Variants in PYGB observed in about 807,000 individuals in gnomAD.
PYGB encodes glycogen phosphorylase, brain form.
Under a neutral mutation model 94.3 loss-of-function variants are expected in PYGB, and 82 were observed. That is an observed-to-expected ratio of 0.87 (90% CI 0.73 to 1.04). The LOEUF is 1.04. Ranked by LOEUF, PYGB falls within the 50% of genes least tolerant of loss-of-function variation. The probability of loss-of-function intolerance (pLI) is 0.00; values close to 1 mark genes in which losing one functional copy is unlikely to be tolerated. For missense variants in PYGB, 1,132 were observed against 1,158.2 expected, an observed-to-expected ratio of 0.98 and a Z score of 0.33; for synonymous variants, 488 against 479.1, an observed-to-expected ratio of 1.02 and a Z score of -0.24.
At chr20:25,289,334 A>G (rs1431336554) in intron 15 of PYGB, among the ~76,000 whole-genome samples, 1 of 152,248 alleles carries the variant, frequency 6.6e-6, no homozygotes, top group Admixed American at 6.5e-5. Flanking sequence ...GGAGTTCGAA[A>G]AAGTTTTAAA....
intron 2 of PYGB, among the ~76,000 whole-genome samples, chr20:25,262,974 T>TA (rs2092917037): frequency 6.6e-6 from 1 of 152,150 alleles, no homozygotes; most frequent in South Asian, 2.1e-4. Flanking sequence ...AGCAAGTCCT[T>TA]AGAGACCTAC....
intron 5 of PYGB, among the ~76,000 whole-genome samples, chr20:25,276,225 G>A (rs992466450): frequency 6.6e-6 from 1 of 152,180 alleles, no homozygotes; most frequent in Non-Finnish European, 1.5e-5. Flanking sequence ...GTGATCTGCG[G>A]GGCAAGCATC....
rs145257858 is a variant in PYGB at position 25,291,599 on chromosome 20, G to A, written c.1970-807G>A. On this transcript the variant is annotated intron_variant, in intron 16 of 19. Coordinates refer to ENST00000216962, the MANE Select transcript of PYGB (RefSeq NM_002862.4). ...GGCACTCACGGGCCGGCTTGCCTCC[G>A]GCTTGGCCAGGAACTGTGGCTCGTC... is the stretch of plus-strand genomic sequence containing the variant. 7.4e-3 allele frequency among the ~76,000 whole-genome samples: 1,127 copies of A among 152,254 alleles called. 13 individuals carry two copies. The highest frequency in any genetic ancestry group is 0.044 in the South Asian group (211 of 4,830).
intron 10 of PYGB, 65 bp from the exon 11 acceptor site, chr20:25,280,884 G>C: frequency 6.4e-7 from 1 of 1,559,446 alleles, no homozygotes; most frequent in Non-Finnish European, 8.7e-7. Context: ...CCCTGGTCAT[G>C]GGGAGTGCTG....
chr20:25,283,174 A>G lies in PYGB; in HGVS notation c.1519-2A>G. ...AGTGAGCGGAACCTTTACGTTCTCC[A>G]GAAAATTGGGGAGGAGTTCCTGACT... On this transcript the variant is annotated splice_acceptor_variant, in intron 12 of 19. Transcript: ENST00000216962. LOFTEE classifies it high-confidence loss of function. The G allele has an allele frequency of 6.2e-7, 1 of 1,612,166 alleles. No individual in the cohort carries two copies. The highest frequency in any genetic ancestry group is 8.5e-7 in the Non-Finnish European group (1 of 1,178,412).
chr20:25,293,875 C>T lies in PYGB; in HGVS notation c.2178-283C>T, dbSNP rs546762710. 500 of 461,404 alleles carry T rather than the reference C, an allele frequency of 1.1e-3. 3 individuals are homozygous for T. Among genetic ancestry groups the T allele is most frequent in the South Asian group, 0.01 (479 of 46,514 alleles). 28.6% of individuals were successfully genotyped at this position (461,404 alleles called of 1,614,324 possible). On this transcript the variant is annotated intron_variant, in intron 17 of 19. Transcript: ENST00000216962. ...GCCCTCTCCACTAGGAATGTGGCAT[C>T]AGCCACTATGTCCTAGCAGATCTGC... is the stretch of plus-strand genomic sequence containing the variant.
At chr20:25,271,135 C>T (rs527513403) in intron 3 of PYGB, among the ~76,000 whole-genome samples, 15 of 152,236 alleles carry the variant, frequency 9.9e-5, no homozygotes, top group South Asian at 6.2e-4. Context: ...CCAGGCCTGG[C>T]CGAGTTCTCT....
chr20:25,295,551 G>A, intron 18 of PYGB, 53 bp from the exon 19 acceptor site: 1 of 1,561,506 alleles, frequency 6.4e-7, no homozygotes, highest in Non-Finnish European at 8.8e-7. Flanking sequence ...CCTCGGGACA[G>A]TGTGGGCAGG....
intron 1 of PYGB, among the ~76,000 whole-genome samples, chr20:25,252,127 C>T (rs902328809): frequency 6.6e-6 from 1 of 152,230 alleles, no homozygotes; most frequent in Non-Finnish European, 1.5e-5. Flanking sequence ...GACAGCAGAT[C>T]GCTCAAAGTC....
intron 14 of PYGB, among the ~76,000 whole-genome samples, chr20:25,286,759 C>T (rs577230064): frequency 7.9e-5 from 12 of 152,164 alleles, no homozygotes; most frequent in Non-Finnish European, 1.6e-4. Context: ...CTGCTGTTCC[C>T]CGGGGGCTCC....
intron 1 of PYGB, among the ~76,000 whole-genome samples, 156 bp downstream of exon 1, chr20:25,248,577 A>G (rs558624994): frequency 0.021 from 3,191 of 152,046 alleles, 103 homozygotes; most frequent in African/African-American, 0.072. Flanking sequence ...AGTCGCCTGG[A>G]AGCCGCAGTC....
intron 2 of PYGB, among the ~76,000 whole-genome samples, chr20:25,259,704 C>G (rs1003204275): frequency 6.6e-6 from 1 of 152,172 alleles, no homozygotes; most frequent in African/African-American, 2.4e-5. Flanking sequence ...TGGTTTCCCT[C>G]CCTCCACCCC....
rs1242926085 is a variant in PYGB at position 25,290,360 on chromosome 20, TC to T, written c.1828-118del. On this transcript the variant is annotated intron_variant, in intron 15 of 19. Coordinates refer to ENST00000216962, the MANE Select transcript of PYGB (RefSeq NM_002862.4). The stretch of plus-strand genomic sequence containing the variant: ...GCCTCCCTAGCTCCTCTACTGACCG[TC>T]CCGACGGCAGGTTCCTGTGGCTCTA... 4 of 1,322,650 alleles carry T rather than the reference TC, an allele frequency of 3.0e-6. No individual in the cohort carries two copies. The African/African-American group carries it at 5.8e-5, about 19-fold the overall frequency. 81.9% of individuals were successfully genotyped at this position (1,322,650 alleles called of 1,614,324 possible).
intron 1 of PYGB, among the ~76,000 whole-genome samples, chr20:25,256,629 C>T (rs2092903329): frequency 6.6e-6 from 1 of 152,224 alleles, no homozygotes; most frequent in Non-Finnish European, 1.5e-5. Context: ...GGCAGGGCCT[C>T]CTTAGAGCAG....
rs142521587 is a variant in PYGB, at chr20:25,279,086, C to G, written c.1029C>G (p.Pro343=). The G allele has an allele frequency of 2.5e-6, 4 of 1,613,708 alleles. No individual in the cohort carries two copies. Among genetic ancestry groups the G allele is most frequent in the Non-Finnish European group, 3.4e-6 (4 of 1,179,796 alleles). The change falls in exon 9 of 20, where the codon CCC becomes CCG. Residue 343 remains proline, a synonymous_variant. Coordinates refer to ENST00000216962, the MANE Select transcript of PYGB (RefSeq NM_002862.4). ...CCATCCAGCTGAACGACACCCACCC[C>G]GCCCTCTCCATCCCTGAGCTCATGC... ...KVAIQLNDTH[P]ALSIPELMRI...
intron 18 of PYGB, 149 bp downstream of exon 18, chr20:25,294,441 A>G (rs2088508389): frequency 9.3e-7 from 1 of 1,080,930 alleles, no homozygotes; most frequent in African/African-American, 1.6e-5. Flanking sequence ...CTTACTGGGC[A>G]GAGCCTTAGA....
At chr20:25,274,441 G>A (rs2088292501) in intron 4 of PYGB, 151 bp from the exon 5 acceptor site, 21 of 1,134,238 alleles carry the variant, frequency 1.9e-5, no homozygotes, top group Non-Finnish European at 2.5e-5. Flanking sequence ...GGCTTCGCCA[G>A]AAGTGGGAAT....
At chr20:25,277,508 C>CTTT (rs1188437172) in intron 7 of PYGB, among the ~76,000 whole-genome samples, 182 bp downstream of exon 7, 1 of 152,180 alleles carries the variant, frequency 6.6e-6, no homozygotes, top group Non-Finnish European at 1.5e-5. Flanking sequence ...CACTGTCCTC[C>CTTT]ATAAAGCCCA....
chr20:25,284,304 T>C, intron 14 of PYGB, 53 bp downstream of exon 14: 2 of 1,583,924 alleles, frequency 1.3e-6, no homozygotes, highest in South Asian at 2.3e-5. Context: ...AGGCTTGCCC[T>C]TGCCCGCCAG....
Sources: allele counts gnomAD v4.1 joint callset (sites outside exome capture counted in the v4.1 genomes callset), GRCh38; gene constraint gnomAD v4.1.1; transcripts MANE v1.5; gene names NCBI Gene and HGNC (gene_info 2026-07-23, HGNC 2026-07-21).